The following EEF2K variants were observed in gnomAD, a reference collection of about 807,000 sequenced individuals.
EEF2K encodes alternative protein EEF2K.
Under a neutral mutation model 93.8 loss-of-function variants are expected in EEF2K, and 70 were observed. The observed-to-expected ratio is 0.75, with a 90% CI of 0.62 to 0.91. The LOEUF is 0.91. Among genes scored for constraint, EEF2K ranks in the 40% least tolerant of loss-of-function variants. The pLI is 0.00. For synonymous variants in EEF2K, 376 were observed against 380.8 expected (o/e 0.99, Z 0.15); for missense variants, 935 against 972.9 (o/e 0.96, Z 0.52).
chr16:22,247,978 G>C (rs920063926), intron 3 of EEF2K, among the ~76,000 whole-genome samples: 1 of 152,082 alleles, frequency 6.6e-6, no homozygotes, highest in African/African-American at 2.4e-5. Context: ...ACGGAGACCA[G>C]TTATGATCAG....
At position 22,264,888 on chromosome 16, in the gene EEF2K, G is replaced by A. The variant is rs375854784; in HGVS notation, c.1440+8G>A. The A allele has an allele frequency of 6.8e-6, 11 of 1,613,750 alleles. No homozygotes were observed. The highest frequency in any genetic ancestry group is 1.1e-5 in the South Asian group (1 of 91,062). On this transcript the variant is annotated splice_region_variant and intron_variant, in intron 13 of 17. Coordinates refer to ENST00000263026, the MANE Select transcript of EEF2K (RefSeq NM_013302.5). ...CTGGGCAGCTCTGGACGGGTAATGC[G>A]CCCTGAGGCACCCTTGTCTCTGCCT...
chr16:22,266,508 A>AGTCCATTTTGGGGAAGGTATCGGCGAT lies in EEF2K; in HGVS notation c.1561_1575+12dup. Reference sequence around the variant, plus strand: ...CTGGACCTCGAAAAGAAAATCGGGAAGTCCATTTTGGGGAAGGTATCGGCG... The same window carrying AGTCCATTTTGGGGAAGGTATCGGCGAT: ...CTGGACCTCGAAAAGAAAATCGGGAAGTCCATTTTGGGGAAGGTATCGGCGATGTCCATTTTGGGGAAGGTATCGGCG... On this transcript the variant is annotated inframe_insertion, in exon 14 of 18. Transcript: ENST00000263026. The AGTCCATTTTGGGGAAGGTATCGGCGAT allele has an allele frequency of 6.2e-7, 1 of 1,614,212 alleles. No homozygotes were observed. Among genetic ancestry groups the AGTCCATTTTGGGGAAGGTATCGGCGAT allele is most frequent in the Non-Finnish European group, 8.5e-7 (1 of 1,180,030 alleles).
chr16:22,243,591 G>A (rs2047247597), intron 2 of EEF2K, among the ~76,000 whole-genome samples: 1 of 151,590 alleles, frequency 6.6e-6, no homozygotes. Flanking sequence ...GTGTGTGAGG[G>A]TACCCGTTCC....
intron 15 of EEF2K, among the ~76,000 whole-genome samples, chr16:22,267,119 G>A (rs1159434084): frequency 6.6e-6 from 1 of 152,156 alleles, no homozygotes; most frequent in Non-Finnish European, 1.5e-5. Context: ...AGGTAATAAC[G>A]ACATGGTGTG....
chr16:22,220,302 G>A (rs772351980), intron 1 of EEF2K, among the ~76,000 whole-genome samples: 5 of 152,226 alleles, frequency 3.3e-5, no homozygotes, highest in Non-Finnish European at 5.9e-5. Context: ...TCCCAGGGCC[G>A]AGGAGAACGT....
At chr16:22,221,681 A>G (rs1340521733) in intron 1 of EEF2K, among the ~76,000 whole-genome samples, 1 of 152,202 alleles carries the variant, frequency 6.6e-6, no homozygotes, top group African/African-American at 2.4e-5. Flanking sequence ...TATTGGTTTG[A>G]TGTAAAAAAA....
At chr16:22,252,676 C>T (rs950336216) in intron 6 of EEF2K, among the ~76,000 whole-genome samples, 2 of 152,124 alleles carry the variant, frequency 1.3e-5, no homozygotes, top group Non-Finnish European at 2.9e-5. Flanking sequence ...TATATTAGTC[C>T]GTTTTCACAC....
In EEF2K at chr16:22,244,550, C is replaced by T. The variant is rs531958190; in HGVS notation, c.247-80C>T. The T allele has an allele frequency of 1.3e-4, 178 of 1,353,064 alleles. 1 individual carries two copies. The highest frequency in any genetic ancestry group is 1.3e-3 in the South Asian group (106 of 84,380). 83.8% of individuals were successfully genotyped at this position (1,353,064 alleles called of 1,614,324 possible). A position where few individuals can be genotyped will look rare whatever the true frequency, so the allele number is the denominator to read the frequency against. The stretch of plus-strand genomic sequence containing the variant: ...CTGTCTGCCTCTCCAGAGGAAATAA[C>T]AGGGCAGGAGGAGTCCACGCTGTCC... On this transcript the variant is annotated intron_variant, in intron 2 of 17. Transcript: ENST00000263026.
At chr16:22,235,486 T>G (rs1161751581) in intron 2 of EEF2K, among the ~76,000 whole-genome samples, 2 of 152,126 alleles carry the variant, frequency 1.3e-5, no homozygotes, top group Non-Finnish European at 2.9e-5. Context: ...TGTGGGATAC[T>G]TAGGCAGTTT....
At chr16:22,243,577 G>A (rs977554504) in intron 2 of EEF2K, among the ~76,000 whole-genome samples, 9 of 150,786 alleles carry the variant, frequency 6.0e-5, no homozygotes, top group African/African-American at 2.2e-4. Context: ...TTATACCCCC[G>A]ATGGTGTGTG....
intron 10 of EEF2K, among the ~76,000 whole-genome samples, chr16:22,260,199 G>A (rs1448022691): frequency 3.3e-5 from 5 of 152,200 alleles, no homozygotes; most frequent in Non-Finnish European, 5.9e-5. Context: ...TAATTGCATT[G>A]TGACAACCCT....
At chr16:22,258,353 A>T in intron 9 of EEF2K, 141 bp from the exon 10 acceptor site, 1 of 861,332 alleles carries the variant, frequency 1.2e-6, no homozygotes, top group Non-Finnish European at 1.8e-6. Flanking sequence ...TTTATTTTTT[A>T]AGACAATATA....
At chr16:22,280,117 G>A in intron 16 of EEF2K, 81 bp from the exon 17 acceptor site, 1 of 1,371,338 alleles carries the variant, frequency 7.3e-7, no homozygotes, top group Non-Finnish European at 9.6e-7. Context: ...TCCCTGACTT[G>A]CCCCTCCTGC....
chr16:22,213,614 T>C lies in EEF2K; in HGVS notation c.-77+6935T>C, dbSNP rs143823266. Reference sequence around the variant, plus strand: ...CTTTAAAACAACACATTTATTATCTTATAGTTCCTGGGGATCAGAAGTTCT... The same window carrying C: ...CTTTAAAACAACACATTTATTATCTCATAGTTCCTGGGGATCAGAAGTTCT... On this transcript the variant is annotated intron_variant, in intron 1 of 17. Transcript: ENST00000263026. Among the ~76,000 whole-genome samples, 35 of 152,318 alleles carry C rather than the reference T, an allele frequency of 2.3e-4. 1 individual carries two copies. The highest frequency in any genetic ancestry group is 7.0e-4 in the African/African-American group (29 of 41,568).
At position 22,286,148 on chromosome 16, in the gene EEF2K, T is replaced by C. The variant is rs1002688017; in HGVS notation, c.*2152T>C. ...ATAAATGACAGTGACTTTTTCAATA[T>C]GGACTCATCATAGCCAGTTTTCCTT... is the stretch of plus-strand genomic sequence containing the variant. On this transcript the variant is annotated 3_prime_UTR_variant, in exon 18 of 18. Transcript: ENST00000263026. The C allele has an allele frequency of 3.9e-5, 6 of 152,260 alleles. No homozygotes were observed. Among genetic ancestry groups the C allele is most frequent in the Non-Finnish European group, 7.3e-5 (5 of 68,050 alleles). 9.4% of individuals were successfully genotyped at this position (152,260 alleles called of 1,614,324 possible).
At chr16:22,248,430 G>A (rs191701861) in intron 3 of EEF2K, among the ~76,000 whole-genome samples, 3 of 152,304 alleles carry the variant, frequency 2.0e-5, no homozygotes, top group Admixed American at 2.0e-4. Context: ...GTCTGCTTTT[G>A]TGGGGTTACA....
chr16:22,242,322 G>A (rs2047231087), intron 2 of EEF2K, among the ~76,000 whole-genome samples: 1 of 151,978 alleles, frequency 6.6e-6, no homozygotes, highest in South Asian at 2.1e-4. Context: ...TCCTTGGGAA[G>A]CTGGACTCTT....
At position 22,210,246 on chromosome 16, in the gene EEF2K, C is replaced by T. The variant is rs530034165; in HGVS notation, c.-77+3567C>T. On this transcript the variant is annotated intron_variant, in intron 1 of 17. Transcript: ENST00000263026. ...GGCTCCAGAGTCAGAAGGTGGATGG[C>T]GTTCTGTTCTCCAGCTGTGAAGCTT... is the stretch of plus-strand genomic sequence containing the variant. Among the ~76,000 whole-genome samples, 8 of 152,254 alleles carry T rather than the reference C, an allele frequency of 5.3e-5. No homozygotes were observed. The East Asian group carries it at 9.6e-4, about 18-fold the overall frequency.
chr16:22,216,242 C>T (rs1477386868), intron 1 of EEF2K, among the ~76,000 whole-genome samples: 1 of 152,184 alleles, frequency 6.6e-6, no homozygotes, highest in African/African-American at 2.4e-5. Flanking sequence ...CCAGGTGCAG[C>T]CCTCAACAGC....
Sources: allele counts gnomAD v4.1 joint callset (sites outside exome capture counted in the v4.1 genomes callset), GRCh38; gene constraint gnomAD v4.1.1; transcripts MANE v1.5; gene names NCBI Gene and HGNC (gene_info 2026-07-23, HGNC 2026-07-21).